The following TRIO variants were observed in gnomAD, a reference collection of about 807,000 sequenced individuals.
TRIO encodes the protein trio Rho guanine nucleotide exchange factor.
A neutral mutation model predicts 351.9 loss-of-function variants in TRIO; 58 were observed. The ratio of observed to expected loss-of-function variants is 0.16; its 90% CI spans 0.13 to 0.21. The LOEUF (loss-of-function observed/expected upper bound fraction) is 0.21. Ranked by LOEUF, TRIO falls within the 10% of genes least tolerant of loss-of-function variation. TRIO has a pLI of 1.00. For missense variants in TRIO, 3,201 were observed against 4,027.8 expected (o/e 0.79, Z 5.56); for synonymous variants, 1,758 against 1,595.7 (o/e 1.10, Z -2.42).
intron 34 of TRIO, among the ~76,000 whole-genome samples, chr5:14,438,811 C>CCGCGTT (rs1327140408): frequency 2.0e-5 from 3 of 152,390 alleles, no homozygotes; most frequent in South Asian, 4.1e-4. Flanking sequence ...TGTCTAGTGG[C>CCGCGTT]TCAGGTTGTC....
intron 11 of TRIO, among the ~76,000 whole-genome samples, chr5:14,348,550 A>G (rs1281206861): frequency 6.6e-6 from 1 of 152,172 alleles, no homozygotes; most frequent in African/African-American, 2.4e-5. Flanking sequence ...ATGTGTGTGC[A>G]CACACATCAG....
chr5:14,327,416 G>T (rs973358154), intron 9 of TRIO, among the ~76,000 whole-genome samples: 1 of 152,140 alleles, frequency 6.6e-6, no homozygotes, highest in African/African-American at 2.4e-5. Context: ...TGCCCACCTT[G>T]GCCTCCCAAA....
chr5:14,152,613 A>G (rs1427444821), intron 1 of TRIO, among the ~76,000 whole-genome samples: 1 of 151,978 alleles, frequency 6.6e-6, no homozygotes, highest in Admixed American at 6.6e-5. Flanking sequence ...CTCGTGATCC[A>G]CCCATCTTGG....
intron 34 of TRIO, among the ~76,000 whole-genome samples, chr5:14,441,769 C>T (rs1752070740): frequency 6.6e-6 from 1 of 152,126 alleles, no homozygotes; most frequent in Non-Finnish European, 1.5e-5. Flanking sequence ...CTAGAGAAAA[C>T]AACATGTCCT....
At position 14,487,677 on chromosome 5, in the gene TRIO, C is replaced by A. The variant is rs754870679; in HGVS notation, c.7049C>A (p.Pro2350His). Residue 2350 changes from proline (P) to histidine (H), a missense_variant, in exon 48 of 57, where the codon CCC becomes CAC. Pro to His is a moderately conservative substitution (Grantham distance 77). Around this residue, in one of 19 missense-constraint regions of TRIO, gnomAD observed 1,089 missense variants for 954.9 expected, o/e 1.14. Coordinates refer to ENST00000344204, the MANE Select transcript of TRIO (RefSeq NM_007118.4). ...CCCCAGCCTGTCCGACACCACCCCC[C>A]CGTGCTGGTCTCCTCTGCAGCCTCG... ...RIPQPVRHHP[P>H]VLVSSAASSQ... 1.3e-5 allele frequency: 19 copies of A among 1,411,222 alleles called. 3 individuals are homozygous for A. The African/African-American group carries it at 1.4e-4, about 10-fold the overall frequency. The allele number at this position is 1,411,222 out of a possible 1,614,324, so 87.4% of individuals were successfully genotyped here. A position where few individuals can be genotyped will look rare whatever the true frequency, so the allele number is the denominator to read the frequency against.
chr5:14,491,654 C>A (rs1756495765), intron 48 of TRIO, among the ~76,000 whole-genome samples: 1 of 152,164 alleles, frequency 6.6e-6, no homozygotes, highest in South Asian at 2.1e-4. Flanking sequence ...CTTAAGAAAT[C>A]TCTGTCTTGC....
Position 14,387,677 on chromosome 5 carries a change from A to G in TRIO, c.3765+45A>G, listed in dbSNP as rs199921234. On this transcript the variant is annotated intron_variant, in intron 22 of 56. Transcript: ENST00000344204. ...CTGAATAAATTATGGTCTTCTTCCT[A>G]ACGCCCTCTCTGCTGATTTAATTAA... 207 of 1,609,610 alleles carry G rather than the reference A, an allele frequency of 1.3e-4. No homozygotes were observed. In the African/African-American group the frequency reaches 2.0e-3, roughly 15 times the overall value.
intron 15 of TRIO, among the ~76,000 whole-genome samples, 166 bp downstream of exon 15, chr5:14,364,982 G>A (rs1464975712): frequency 1.3e-5 from 2 of 152,052 alleles, no homozygotes; most frequent in Non-Finnish European, 1.5e-5. Flanking sequence ...CCCGCCCCCC[G>A]ATTACAGCCA....
intron 1 of TRIO, among the ~76,000 whole-genome samples, chr5:14,204,695 G>A (rs1791349861): frequency 6.6e-6 from 1 of 152,086 alleles, no homozygotes; most frequent in Non-Finnish European, 1.5e-5. Flanking sequence ...CAGATTTTGG[G>A]GAACAGACAT....
intron 3 of TRIO, 52 bp downstream of exon 3, chr5:14,280,488 G>A (rs775686996): frequency 9.4e-6 from 14 of 1,493,158 alleles, no homozygotes; most frequent in African/African-American, 4.1e-5. Context: ...TACAAGAGAT[G>A]TGGCGCTATA....
intron 9 of TRIO, among the ~76,000 whole-genome samples, chr5:14,325,771 A>T (rs1394809314): frequency 1.3e-5 from 2 of 152,194 alleles, no homozygotes; most frequent in Admixed American, 1.3e-4. Flanking sequence ...GGTAGTAGGG[A>T]CCTACTACAG....
intron 5 of TRIO, among the ~76,000 whole-genome samples, chr5:14,292,628 G>A (rs1455047261): frequency 6.6e-6 from 1 of 152,220 alleles, no homozygotes; most frequent in African/African-American, 2.4e-5. Flanking sequence ...AGACCCATAA[G>A]TTCCTAATTT....
In TRIO at chr5:14,509,155, C is replaced by G. The variant is rs559387077; in HGVS notation, c.*733C>G. The G allele has an allele frequency of 1.3e-4, 32 of 255,986 alleles. No individual in the cohort carries two copies. Among genetic ancestry groups the G allele is most frequent in the African/African-American group, 7.1e-4 (30 of 42,404 alleles). 15.9% of individuals were successfully genotyped at this position (255,986 alleles called of 1,614,324 possible). A position where few individuals can be genotyped will look rare whatever the true frequency, so the allele number is the denominator to read the frequency against. ...ATCAGGTTGGGTCCTGCCCCACTGCCCCTCCCCCTGTTCCTGCCCCAAGCC... is the reference window on the plus strand; with the variant it reads ...ATCAGGTTGGGTCCTGCCCCACTGCGCCTCCCCCTGTTCCTGCCCCAAGCC... On this transcript the variant is annotated 3_prime_UTR_variant, in exon 57 of 57. Coordinates refer to ENST00000344204, the MANE Select transcript of TRIO (RefSeq NM_007118.4).
At chr5:14,158,979 C>T (rs948732572) in intron 1 of TRIO, among the ~76,000 whole-genome samples, 1 of 152,168 alleles carries the variant, frequency 6.6e-6, no homozygotes, top group Non-Finnish European at 1.5e-5. Flanking sequence ...GCAGTGATAA[C>T]ATTATACCTG....
At chr5:14,181,172 TAA>T (rs33999434) in intron 1 of TRIO, among the ~76,000 whole-genome samples, 1 of 148,266 alleles carries the variant, frequency 6.7e-6, no homozygotes, top group South Asian at 2.1e-4. Flanking sequence ...ACTGCAGACT[TAA>T]AAAAAAAAGA....
intron 11 of TRIO, among the ~76,000 whole-genome samples, chr5:14,352,417 C>G (rs1743223332): frequency 1.3e-5 from 2 of 152,300 alleles, no homozygotes; most frequent in Admixed American, 1.3e-4. Context: ...GCAGCATGCC[C>G]AGAAGTACAA....
intron 18 of TRIO, 85 bp from the exon 19 acceptor site, chr5:14,374,144 A>G (rs1036528627): frequency 1.8e-5 from 16 of 909,040 alleles, no homozygotes; most frequent in African/African-American, 1.2e-4. Context: ...AGGTAAAGAC[A>G]TACGTTAGAG....
rs1190313109 is a variant in TRIO at position 14,509,937 on chromosome 5, T to C, written c.*1515T>C. The C allele has an allele frequency of 6.6e-6, 1 of 152,288 alleles. No individual in the cohort carries two copies. The highest frequency in any genetic ancestry group is 1.5e-5 in the Non-Finnish European group (1 of 68,070). 9.4% of individuals were successfully genotyped at this position (152,288 alleles called of 1,614,324 possible). A position where few individuals can be genotyped will look rare whatever the true frequency, so the allele number is the denominator to read the frequency against. On this transcript the variant is annotated 3_prime_UTR_variant, in exon 57 of 57. Transcript: ENST00000344204. Reference sequence around the variant, plus strand: ...CTTTGCAGCTTCCAGTGTATTTTATTTATTCTTTTGTTGGGTTTTTGTTTG... The same window carrying C: ...CTTTGCAGCTTCCAGTGTATTTTATCTATTCTTTTGTTGGGTTTTTGTTTG...
chr5:14,193,668 T>C (rs1249619541), intron 1 of TRIO, among the ~76,000 whole-genome samples: 1 of 152,254 alleles, frequency 6.6e-6, no homozygotes, highest in Non-Finnish European at 1.5e-5. Flanking sequence ...GTTCAAACAG[T>C]TCATGTCCAT....
Sources: gnomAD v4.1 joint callset for allele counts (sites outside exome capture counted in the v4.1 genomes callset) on GRCh38, gnomAD v4.1.1 for gene constraint, gnomAD v4.1.1 regional missense constraint, MANE v1.5 for transcripts, NCBI Gene and HGNC (gene_info 2026-07-23, HGNC 2026-07-21) for gene names.